Variants in NPSR1 observed in about 807,000 individuals in gnomAD.
NPSR1 encodes neuropeptide S receptor.
A neutral mutation model predicts 46.9 loss-of-function variants in NPSR1; 48 were observed. The observed-to-expected ratio is 1.02, with a 90% CI of 0.81 to 1.30. The LOEUF (loss-of-function observed/expected upper bound fraction) is 1.30, where lower values mean the gene tolerates loss of function less well. Ranked by LOEUF, NPSR1 falls within the 50% of genes most tolerant of loss-of-function variation. The pLI is 0.00. For synonymous variants in NPSR1, 176 were observed against 168.1 expected, an observed-to-expected ratio of 1.05 and a Z score of -0.36; for missense variants, 450 against 449.5, an observed-to-expected ratio of 1.00 and a Z score of -0.01.
At chr7:34,809,895 G>C (rs1170375778) in intron 3 of NPSR1, among the ~76,000 whole-genome samples, 2 of 152,050 alleles carry the variant, frequency 1.3e-5, no homozygotes, top group Admixed American at 6.6e-5. Flanking sequence ...TTTGTTTTCT[G>C]TTCTTGCATT....
At chr7:34,855,991 A>G (rs1257439337) in intron 8 of NPSR1, among the ~76,000 whole-genome samples, 2 of 152,192 alleles carry the variant, frequency 1.3e-5, no homozygotes, top group Non-Finnish European at 2.9e-5. Context: ...AACTTGGGAT[A>G]GAAGACAATT....
chr7:34,850,959 T>C (rs1034763103), downstream of NPSR1, among the ~76,000 whole-genome samples: 1 of 152,216 alleles, frequency 6.6e-6, no homozygotes, highest in Non-Finnish European at 1.5e-5. Flanking sequence ...TGGAGTTTGG[T>C]ACTTATGAGC....
At chr7:34,677,460 A>T (rs1269281502) in intron 1 of NPSR1, among the ~76,000 whole-genome samples, 1 of 152,212 alleles carries the variant, frequency 6.6e-6, no homozygotes, top group African/African-American at 2.4e-5. Context: ...AACTACCCTG[A>T]GTTCACTGAT....
chr7:34,733,657 C>T (rs1784539425), intron 2 of NPSR1, among the ~76,000 whole-genome samples: 1 of 152,156 alleles, frequency 6.6e-6, no homozygotes, highest in Admixed American at 6.5e-5. Context: ...TTGGTCAGTG[C>T]TATCATAGAG....
chr7:34,695,324 AG>A (rs1334801932), intron 2 of NPSR1, among the ~76,000 whole-genome samples: 3 of 152,206 alleles, frequency 2.0e-5, no homozygotes, highest in African/African-American at 7.2e-5. Flanking sequence ...GATAGATCAA[AG>A]ACTTAAATGT....
chr7:34,764,505 A>C (rs906595348), intron 2 of NPSR1, among the ~76,000 whole-genome samples: 5 of 152,198 alleles, frequency 3.3e-5, no homozygotes, highest in Admixed American at 3.3e-4. Flanking sequence ...CTACAATGGC[A>C]GATTTGAGTA....
chr7:34,844,850 C>T (rs753519812), intron 6 of NPSR1, 46 bp from the exon 7 acceptor site: 10 of 1,173,282 alleles, frequency 8.5e-6, no homozygotes, highest in Non-Finnish European at 1.3e-5. Flanking sequence ...CAGAAACTGT[C>T]ACATCTTGAA....
At chr7:34,766,633 C>T (rs1192495594) in intron 2 of NPSR1, among the ~76,000 whole-genome samples, 4 of 151,380 alleles carry the variant, frequency 2.6e-5, no homozygotes, top group African/African-American at 7.3e-5. Flanking sequence ...AGTGCAGTGG[C>T]GCAACCTCAG....
chr7:34,792,064 C>G (rs1265872789), intron 3 of NPSR1, among the ~76,000 whole-genome samples: 1 of 151,910 alleles, frequency 6.6e-6, no homozygotes, highest in Admixed American at 6.6e-5. Flanking sequence ...AAAAAATCAA[C>G]TCAAAACAGA....
At chr7:34,734,811 G>T (rs1173530000) in intron 2 of NPSR1, among the ~76,000 whole-genome samples, 1 of 152,204 alleles carries the variant, frequency 6.6e-6, no homozygotes. Flanking sequence ...CACAAAGTTT[G>T]ATAATAATTA....
At chr7:34,810,870 T>C (rs1788947712) in intron 3 of NPSR1, among the ~76,000 whole-genome samples, 1 of 152,186 alleles carries the variant, frequency 6.6e-6, no homozygotes, top group Non-Finnish European at 1.5e-5. Flanking sequence ...CTCTGCTTCC[T>C]GGTGTGGAGA....
At chr7:34,663,067 C>CTCTCTCTCTCTCTGTGTGTG (rs35826710) in intron 1 of NPSR1, among the ~76,000 whole-genome samples, 23 of 99,424 alleles carry the variant, frequency 2.3e-4, no homozygotes, top group Admixed American at 3.7e-4. Flanking sequence ...CTCTCTCTCT[C>CTCTCTCTCTCTCTGTGTGTG]TGTGTGTGTG....
In NPSR1 at chr7:34,699,182, T is replaced by A. The variant is rs559281441; in HGVS notation, c.280+14498T>A. Among the ~76,000 whole-genome samples the A allele has an allele frequency of 5.9e-5, 9 of 152,194 alleles. No individual in the cohort carries two copies. The South Asian group carries it at 1.5e-3, about 25-fold the overall frequency. ...TTAGCATGGATGAGTTGTTCTCACA[T>A]AAAGATGCTGTTATTGACCAGGTGT... is the stretch of plus-strand genomic sequence containing the variant. On this transcript the variant is annotated intron_variant, in intron 2 of 8. Transcript: ENST00000360581.
rs537379498 is a variant in NPSR1, at chr7:34,757,830, C to G, written c.281-20632C>G. ...CTCTGAGCTTTGGCTCCACTCCCCA[C>G]TCAGCACAAACAACTTACTTTGCCC... is the stretch of plus-strand genomic sequence containing the variant. On this transcript the variant is annotated intron_variant, in intron 2 of 8. Coordinates refer to ENST00000360581, the MANE Select transcript of NPSR1 (RefSeq NM_207172.2). Among the ~76,000 whole-genome samples, 3 of 152,234 alleles carry G rather than the reference C, an allele frequency of 2.0e-5. No individual in the cohort carries two copies. The East Asian group carries it at 5.8e-4, about 29-fold the overall frequency.
intron 2 of NPSR1, among the ~76,000 whole-genome samples, chr7:34,695,911 T>G (rs1240653651): frequency 6.6e-6 from 1 of 151,950 alleles, no homozygotes; most frequent in Non-Finnish European, 1.5e-5. Flanking sequence ...TCAGAAGACT[T>G]GAAACAGATC....
chr7:34,740,915 G>A (rs1351480712), intron 2 of NPSR1, among the ~76,000 whole-genome samples: 1 of 152,092 alleles, frequency 6.6e-6, no homozygotes, highest in Non-Finnish European at 1.5e-5. Flanking sequence ...ATCTAGTCCT[G>A]CCTCCTGTCC....
At position 34,739,616 on chromosome 7, in the gene NPSR1, T is replaced by G. The variant is rs528835651; in HGVS notation, c.281-38846T>G. ...AGGGTATTCCCTTGATGTAGTACTC[T>G]CCCCACTTTTCCTAGGGATGTGGCT... is the stretch of plus-strand genomic sequence containing the variant. On this transcript the variant is annotated intron_variant, in intron 2 of 8. Coordinates refer to ENST00000360581, the MANE Select transcript of NPSR1 (RefSeq NM_207172.2). Among the ~76,000 whole-genome samples the G allele has an allele frequency of 2.0e-5, 3 of 152,314 alleles. No individual in the cohort carries two copies. The South Asian group carries it at 6.2e-4, about 32-fold the overall frequency.
At chr7:34,858,022 A>G (rs1408396434) in intron 8 of NPSR1, among the ~76,000 whole-genome samples, 1 of 151,896 alleles carries the variant, frequency 6.6e-6, no homozygotes, top group Non-Finnish European at 1.5e-5. Context: ...GGCCTAACTT[A>G]AAACCTTTGA....
intron 3 of NPSR1, among the ~76,000 whole-genome samples, chr7:34,794,364 T>A (rs1320178759): frequency 6.6e-6 from 1 of 152,062 alleles, no homozygotes; most frequent in Non-Finnish European, 1.5e-5. Flanking sequence ...CTGGCTCAAT[T>A]GAAAATAAAA....
Sources: gnomAD v4.1 joint callset for allele counts (sites outside exome capture counted in the v4.1 genomes callset) on GRCh38, gnomAD v4.1.1 for gene constraint, MANE v1.5 for transcripts, NCBI Gene and HGNC (gene_info 2026-07-23, HGNC 2026-07-21) for gene names.